VWA3B: variants seen among roughly 807,000 people sequenced by gnomAD.
The protein encoded by VWA3B is von Willebrand factor A domain containing 3B.
In VWA3B, 138 loss-of-function variants were observed where a neutral mutation model predicts 158.3. The observed-to-expected ratio is 0.87, with a 90% CI of 0.76 to 1.00. VWA3B has a LOEUF of 1.00. Among genes scored for constraint, VWA3B ranks in the 50% least tolerant of loss-of-function variants. The pLI, the probability that VWA3B is intolerant of heterozygous loss-of-function variation, is 0.00. For missense variants in VWA3B, 1,555 were observed against 1,565.1 expected (o/e 0.99, Z 0.11); for synonymous variants, 596 against 587.3 (o/e 1.01, Z -0.21).
At chr2:98,242,009 C>T (rs180826950) in intron 19 of VWA3B, among the ~76,000 whole-genome samples, 5 of 152,046 alleles carry the variant, frequency 3.3e-5, no homozygotes, top group South Asian at 2.1e-4. Context: ...GGATGTATAC[C>T]TTTTTGATGT....
chr2:98,112,516 G>T (rs573116789), intron 2 of VWA3B, among the ~76,000 whole-genome samples: 1 of 151,526 alleles, frequency 6.6e-6, no homozygotes, highest in Non-Finnish European at 1.5e-5. Context: ...GACATAATCC[G>T]TAACATTTTC....
In VWA3B at chr2:98,137,001, T is replaced by C. The variant is rs1201981901; in HGVS notation, c.988+3062T>C. On this transcript the variant is annotated intron_variant, in intron 7 of 27. Coordinates refer to ENST00000477737, the MANE Select transcript of VWA3B (RefSeq NM_144992.5). ...GAATTTCCATCCTTTCTAAGGTTGA[T>C]AATAGTCCATTATATGGATATACCA... Among the ~76,000 whole-genome samples, 6 of 152,254 alleles carry C rather than the reference T, an allele frequency of 3.9e-5. 1 individual carries two copies. In the South Asian group the frequency reaches 1.0e-3, roughly 26 times the overall value.
chr2:98,135,350 T>G (rs893852471), intron 7 of VWA3B, among the ~76,000 whole-genome samples: 33 of 135,894 alleles, frequency 2.4e-4, no homozygotes, highest in Non-Finnish European at 1.6e-4. Context: ...TTTTTTTTTT[T>G]TTTGAGACAG....
chr2:98,268,168 G>A (rs1301558092), intron 21 of VWA3B, among the ~76,000 whole-genome samples: 1 of 151,362 alleles, frequency 6.6e-6, no homozygotes, highest in African/African-American at 2.4e-5. Context: ...GAAAAAGAGG[G>A]AATCCTCCCT....
At chr2:98,293,935 A>G in intron 23 of VWA3B, among the ~76,000 whole-genome samples, 1 of 152,144 alleles carries the variant, frequency 6.6e-6, no homozygotes, top group African/African-American at 2.4e-5. Context: ...TCTTTGATCT[A>G]GAATCATTCT....
chr2:98,161,762 A>G (rs1363762185), intron 7 of VWA3B, among the ~76,000 whole-genome samples: 1 of 152,052 alleles, frequency 6.6e-6, no homozygotes, highest in Non-Finnish European at 1.5e-5. Flanking sequence ...GCTGGAGTGC[A>G]GTGGTGTGAT....
At chr2:98,111,609 G>C (rs932443428) in intron 2 of VWA3B, among the ~76,000 whole-genome samples, 1 of 152,032 alleles carries the variant, frequency 6.6e-6, no homozygotes, top group Admixed American at 6.6e-5. Context: ...GTGTGAAATG[G>C]TATCTCATTG....
intron 8 of VWA3B, among the ~76,000 whole-genome samples, chr2:98,179,490 G>A: frequency 6.6e-6 from 1 of 152,160 alleles, no homozygotes; most frequent in East Asian, 1.9e-4. Context: ...AGGGTGGAAA[G>A]CCAGGCTGTG....
At chr2:98,263,350 A>G (rs1361250639) in intron 21 of VWA3B, among the ~76,000 whole-genome samples, 2 of 151,916 alleles carry the variant, frequency 1.3e-5, no homozygotes, top group African/African-American at 4.8e-5. Context: ...TTAGAGGGAA[A>G]GCTTCCAATC....
At chr2:98,317,692 C>T (rs551562587), downstream of VWA3B, among the ~76,000 whole-genome samples, 4 of 152,256 alleles carry the variant, frequency 2.6e-5, no homozygotes, top group South Asian at 2.1e-4. Flanking sequence ...CTTTCTGGAA[C>T]GAACCATTCT....
At chr2:98,248,201 TA>T (rs1686523695) in intron 19 of VWA3B, among the ~76,000 whole-genome samples, 1 of 152,182 alleles carries the variant, frequency 6.6e-6, no homozygotes, top group Admixed American at 6.5e-5. Context: ...TAATAATAAA[TA>T]AACAATTTTA....
intron 19 of VWA3B, among the ~76,000 whole-genome samples, chr2:98,246,082 T>A (rs767648483): frequency 1.8e-4 from 27 of 152,152 alleles, no homozygotes; most frequent in Non-Finnish European, 3.4e-4. Flanking sequence ...TTTGTTTTAG[T>A]CTTTGGTGGT....
chr2:98,152,922 A>G (rs1172397316), intron 7 of VWA3B, among the ~76,000 whole-genome samples: 3 of 152,262 alleles, frequency 2.0e-5, no homozygotes, highest in African/African-American at 7.2e-5. Flanking sequence ...CAAATGGTGC[A>G]TATTTTCAAC....
In VWA3B at chr2:98,264,202, AT is replaced by A. The variant is rs529959535; in HGVS notation, c.2844-6472del. On this transcript the variant is annotated intron_variant, in intron 21 of 27. Coordinates refer to ENST00000477737, the MANE Select transcript of VWA3B (RefSeq NM_144992.5). ...AAAAAAACAAATCTTGCTTTCATTGATTTTTTTTCTATTGTTTTTCTATACT... is the reference window on the plus strand; with the variant it reads ...AAAAAAACAAATCTTGCTTTCATTGATTTTTTTCTATTGTTTTTCTATACT... Among the ~76,000 whole-genome samples the A allele has an allele frequency of 6.1e-3, 920 of 150,406 alleles. 12 individuals are homozygous for A. Among genetic ancestry groups the A allele is most frequent in the African/African-American group, 0.021 (877 of 40,998 alleles).
intron 10 of VWA3B, among the ~76,000 whole-genome samples, chr2:98,191,782 C>T (rs1264803172): frequency 2.0e-5 from 3 of 152,198 alleles, no homozygotes; most frequent in Admixed American, 6.5e-5. Context: ...CGAGGACACC[C>T]TTCTGCAGAT....
intron 10 of VWA3B, 34 bp from the exon 11 acceptor site, chr2:98,192,864 C>T (rs202109514): frequency 1.2e-6 from 2 of 1,614,100 alleles, no homozygotes; most frequent in Non-Finnish European, 8.5e-7. Context: ...CCTGCAGGCT[C>T]TCACCATTCA....
At chr2:98,204,739 A>T (rs1682869252) in intron 12 of VWA3B, among the ~76,000 whole-genome samples, 1 of 152,106 alleles carries the variant, frequency 6.6e-6, no homozygotes, top group Non-Finnish European at 1.5e-5. Flanking sequence ...GTGAGTTGGG[A>T]AGTATTCCCT....
Position 98,217,904 on chromosome 2 carries a change from T to C in VWA3B, c.1895T>C (p.Ile632Thr). 1 of 1,613,080 alleles carries C rather than the reference T, an allele frequency of 6.2e-7. No homozygotes were observed. Among genetic ancestry groups the C allele is most frequent in the Non-Finnish European group, 8.5e-7 (1 of 1,179,566 alleles). ...TTTCAGGAAATTCCTATTTATACCA[T>C]CTCCTTCAATTACAATGATGAGATT... ...KRFQEIPIYT[I>T]SFNYNDEIAN... Residue 632 changes from isoleucine to threonine, a missense_variant, in exon 14 of 28, where the codon ATC (isoleucine) becomes ACC (threonine). Physicochemically the swap from Ile to Thr is moderately conservative, Grantham distance 89. Transcript: ENST00000477737.
chr2:98,220,293 A>T lies in VWA3B; in HGVS notation c.2019+2265A>T, dbSNP rs529419362. On this transcript the variant is annotated intron_variant, in intron 14 of 27. Transcript: ENST00000477737. ...GAAAACCTTACCAGATAGAAATATG[A>T]GTCTATGCTAAGGAATAAAAAGCAT... 1.6e-4 allele frequency among the ~76,000 whole-genome samples: 24 copies of T among 152,262 alleles called. No homozygotes were observed. The South Asian group carries it at 5.0e-3, about 32-fold the overall frequency.
Sources: allele counts gnomAD v4.1 joint callset (sites outside exome capture counted in the v4.1 genomes callset), GRCh38; gene constraint gnomAD v4.1.1; transcripts MANE v1.5; gene names NCBI Gene and HGNC (gene_info 2026-07-23, HGNC 2026-07-21).